Variants in RETREG3 observed in about 807,000 individuals in gnomAD.
RETREG3 encodes the protein reticulophagy regulator 3.
In RETREG3, 23 loss-of-function variants were observed where a neutral mutation model predicts 50.2. The ratio of observed to expected loss-of-function variants is 0.46; its 90% CI spans 0.33 to 0.65. RETREG3 has a LOEUF of 0.65. RETREG3 is among the 30% of genes least tolerant of loss of function. The pLI is 0.02. For missense variants in RETREG3, 546 were observed against 598.0 expected, an observed-to-expected ratio of 0.91 and a Z score of 0.91; for synonymous variants, 240 against 234.4, an observed-to-expected ratio of 1.02 and a Z score of -0.22.
intron 6 of RETREG3, 92 bp from the exon 7 acceptor site, chr17:42,583,672 A>C: frequency 3.3e-6 from 4 of 1,201,974 alleles, no homozygotes; most frequent in Non-Finnish European, 3.5e-6. Context: ...ACACAAAACA[A>C]AGAGCCTCTC....
At chr17:42,602,406 TG>T (rs2093160385) in intron 1 of RETREG3, among the ~76,000 whole-genome samples, 1 of 152,038 alleles carries the variant, frequency 6.6e-6, no homozygotes, top group Admixed American at 6.6e-5. Context: ...GCAGCAGAGA[TG>T]AAAAAAAAAT....
intron 6 of RETREG3, 123 bp downstream of exon 6, chr17:42,585,002 C>T (rs1052378959): frequency 2.4e-6 from 3 of 1,226,086 alleles, no homozygotes; most frequent in Non-Finnish European, 3.4e-6. Flanking sequence ...ACCTATCAAT[C>T]CTCACCCCCA....
At chr17:42,608,593 C>T (rs1169830265) in intron 1 of RETREG3, 1 of 152,802 alleles carries the variant, frequency 6.5e-6, no homozygotes, top group African/African-American at 2.4e-5. Flanking sequence ...AACTTCCTTC[C>T]TAGATATATA....
chr17:42,602,435 A>G (rs1167657255), intron 1 of RETREG3, among the ~76,000 whole-genome samples: 1 of 152,194 alleles, frequency 6.6e-6, no homozygotes, highest in Non-Finnish European at 1.5e-5. Flanking sequence ...CTGTACGACT[A>G]ATAGCCTTAT....
intron 2 of RETREG3, 98 bp from the exon 3 acceptor site, chr17:42,587,962 G>C (rs2093124461): frequency 7.3e-7 from 1 of 1,377,062 alleles, no homozygotes; most frequent in East Asian, 2.3e-5. Context: ...TAATAGGTTG[G>C]GGAAAAGAAA....
chr17:42,587,782 T>C, intron 3 of RETREG3, 52 bp downstream of exon 3: 1 of 1,607,344 alleles, frequency 6.2e-7, no homozygotes, highest in East Asian at 2.2e-5. Flanking sequence ...ACCAGAATAT[T>C]ACAAGAGAAT....
chr17:42,584,709 G>C (rs2093117407), intron 6 of RETREG3, among the ~76,000 whole-genome samples: 1 of 151,020 alleles, frequency 6.6e-6, no homozygotes, highest in Non-Finnish European at 1.5e-5. Flanking sequence ...TGAAGGGTTT[G>C]GCGGGGCTGA....
intron 6 of RETREG3, 100 bp downstream of exon 6, chr17:42,585,025 G>A (rs9889580): frequency 7.7e-6 from 11 of 1,431,704 alleles, no homozygotes; most frequent in Admixed American, 3.8e-5. Flanking sequence ...AACTACCCCC[G>A]ACTTCCACTT....
intron 2 of RETREG3, among the ~76,000 whole-genome samples, chr17:42,588,403 G>A (rs1390286528): frequency 1.3e-5 from 2 of 151,458 alleles, no homozygotes; most frequent in South Asian, 4.2e-4. Context: ...CCACCACAAT[G>A]CCCGGCTAAT....
At chr17:42,587,268 G>C (rs905328046) in intron 3 of RETREG3, among the ~76,000 whole-genome samples, 1 of 152,220 alleles carries the variant, frequency 6.6e-6, no homozygotes, top group African/African-American at 2.4e-5. Flanking sequence ...CTGCTGCTAA[G>C]GGGGAGGAAA....
intron 1 of RETREG3, among the ~76,000 whole-genome samples, chr17:42,598,021 G>T (rs1228812139): frequency 4.0e-4 from 44 of 110,122 alleles, no homozygotes; most frequent in Admixed American, 2.2e-3. Context: ...TCGCTCTGTT[G>T]CCCAGGCTGG....
intron 1 of RETREG3, among the ~76,000 whole-genome samples, chr17:42,605,906 G>T (rs973502835): frequency 6.7e-6 from 1 of 149,348 alleles, no homozygotes; most frequent in African/African-American, 2.5e-5. Flanking sequence ...TGGGAGAATC[G>T]CTTGAACTTA....
intron 1 of RETREG3, among the ~76,000 whole-genome samples, chr17:42,603,407 A>T (rs1204838313): frequency 1.3e-5 from 2 of 152,212 alleles, no homozygotes; most frequent in Non-Finnish European, 2.9e-5. Context: ...CCGCCTGGTT[A>T]ATGAGCCCAA....
chr17:42,594,333 A>C (rs1461805758), intron 1 of RETREG3, among the ~76,000 whole-genome samples: 2 of 152,246 alleles, frequency 1.3e-5, no homozygotes, highest in Non-Finnish European at 2.9e-5. Flanking sequence ...AGGTGGGCAG[A>C]TCACCTGAGG....
chr17:42,588,052 G>A (rs1046050514), intron 2 of RETREG3, among the ~76,000 whole-genome samples, 188 bp from the exon 3 acceptor site: 2 of 152,128 alleles, frequency 1.3e-5, no homozygotes, highest in Non-Finnish European at 2.9e-5. Context: ...AATCACTTAT[G>A]CCTACTCATT....
At chr17:42,592,821 G>A (rs1001846236) in intron 1 of RETREG3, among the ~76,000 whole-genome samples, 1 of 152,040 alleles carries the variant, frequency 6.6e-6, no homozygotes, top group African/African-American at 2.4e-5. Context: ...GTGTGGTGGT[G>A]TGCACCTGTA....
chr17:42,580,415 G>C lies in RETREG3; in HGVS notation c.*1398C>G, dbSNP rs879672144. The C allele has an allele frequency of 6.5e-6, 1 of 152,774 alleles. No individual in the cohort carries two copies. The highest frequency in any genetic ancestry group is 2.4e-5 in the African/African-American group (1 of 41,416). The allele number at this position is 152,774 out of a possible 1,614,324, so 9.5% of individuals were successfully genotyped here. A position where few individuals can be genotyped will look rare whatever the true frequency, so the allele number is the denominator to read the frequency against. On this transcript the variant is annotated 3_prime_UTR_variant, in exon 9 of 9. Coordinates refer to ENST00000309428, the MANE Select transcript of RETREG3 (RefSeq NM_178126.4). Reference sequence around the variant, plus strand: ...AAAGGAGGAGCAGAGGAAGGAACAGGAACATAGAAATGAGTATGGTATTGC... The same window carrying C: ...AAAGGAGGAGCAGAGGAAGGAACAGCAACATAGAAATGAGTATGGTATTGC...
intron 8 of RETREG3, among the ~76,000 whole-genome samples, 171 bp downstream of exon 8, chr17:42,582,503 A>G (rs1158983276): frequency 1.3e-5 from 2 of 152,214 alleles, no homozygotes; most frequent in Admixed American, 6.5e-5. Flanking sequence ...AAAGTCTTCA[A>G]GAAGGGCAGC....
chr17:42,586,418 G>T (rs1178098130), intron 4 of RETREG3: 7 of 429,668 alleles, frequency 1.6e-5, no homozygotes, highest in Non-Finnish European at 2.9e-5. Flanking sequence ...AGCAATGTTG[G>T]TGGTGGTTTT....
Sources: gnomAD v4.1 joint callset for allele counts (sites outside exome capture counted in the v4.1 genomes callset) on GRCh38, gnomAD v4.1.1 for gene constraint, MANE v1.5 for transcripts, NCBI Gene and HGNC (gene_info 2026-07-23, HGNC 2026-07-21) for gene names.